CHADL: variants seen among roughly 807,000 people sequenced by gnomAD.
The protein encoded by CHADL is chondroadherin-like protein.
A neutral mutation model predicts 52.1 loss-of-function variants in CHADL; 48 were observed. The ratio of observed to expected loss-of-function variants is 0.92; its 90% CI spans 0.73 to 1.17. The LOEUF (loss-of-function observed/expected upper bound fraction) is 1.17, where lower values mean the gene tolerates loss of function less well. Ranked by LOEUF, CHADL falls within the 50% of genes most tolerant of loss-of-function variation. CHADL has a pLI of 0.00. For missense variants in CHADL, 977 were observed against 1,035.1 expected (o/e 0.94, Z 0.77); for synonymous variants, 498 against 511.2 (o/e 0.97, Z 0.35).
intron 2 of CHADL, among the ~76,000 whole-genome samples, 170 bp downstream of exon 2, chr22:41,239,270 GTTT>G (rs1269159197): frequency 6.6e-6 from 1 of 152,228 alleles, no homozygotes; most frequent in African/African-American, 2.4e-5. Flanking sequence ...CCTGTTACTG[GTTT>G]TTATTATTCC....
At chr22:41,230,260 G>C (rs756455826) in intron 5 of CHADL, 1 of 1,606,914 alleles carries the variant, frequency 6.2e-7, no homozygotes, top group South Asian at 1.1e-5. Flanking sequence ...GAGCCTTCCT[G>C]CCTCCAGCCT....
At chr22:41,232,120 C>T (rs1321102440) in intron 5 of CHADL, among the ~76,000 whole-genome samples, 1 of 151,624 alleles carries the variant, frequency 6.6e-6, no homozygotes, top group Admixed American at 6.6e-5. Flanking sequence ...ATCACAAGGT[C>T]AGGAGATCGA....
At position 41,240,920 on chromosome 22, in the gene CHADL, C is replaced by A. The variant is rs1367360006; in HGVS notation, c.-39G>T. ...GCTGGTCCAGCCTGGAGGCGCAGCG[C>A]AGGGACAGGCTGTCCCCGCCTGGCA... On this transcript the variant is annotated 5_prime_UTR_variant, in exon 1 of 6. Coordinates refer to ENST00000216241, the MANE Select transcript of CHADL (RefSeq NM_138481.2). 1 of 1,542,872 alleles carries A rather than the reference C, an allele frequency of 6.5e-7. No individual in the cohort carries two copies. The highest frequency in any genetic ancestry group is 2.0e-5 in the Admixed American group (1 of 50,284).
At chr22:41,235,796 G>A (rs1039639568) in intron 4 of CHADL, among the ~76,000 whole-genome samples, 5 of 152,146 alleles carry the variant, frequency 3.3e-5, no homozygotes, top group Non-Finnish European at 7.3e-5. Flanking sequence ...GAAAGGTTAC[G>A]CGGCTTGCAG....
intron 4 of CHADL, 132 bp from the exon 5 acceptor site, chr22:41,235,475 C>G (rs560604878): frequency 1.6e-4 from 109 of 697,854 alleles, no homozygotes; most frequent in Non-Finnish European, 2.4e-4. Flanking sequence ...TGCATTCATT[C>G]GCTCAACAAG....
At chr22:41,235,394 G>A in intron 4 of CHADL, 51 bp from the exon 5 acceptor site, 2 of 1,459,440 alleles carry the variant, frequency 1.4e-6, no homozygotes, top group Non-Finnish European at 1.9e-6. Flanking sequence ...CTGCTCCAGT[G>A]GCCTGGAGCA....
intron 1 of CHADL, 149 bp from the exon 2 acceptor site, chr22:41,239,769 T>G (rs893341069): frequency 3.0e-6 from 2 of 661,158 alleles, no homozygotes; most frequent in African/African-American, 3.8e-5. Flanking sequence ...ACCCTGAGCC[T>G]CCCTGCCCCC....
At chr22:41,234,395 A>ATTATTATTATTATT (rs1376614792) in intron 5 of CHADL, among the ~76,000 whole-genome samples, 27 of 148,986 alleles carry the variant, frequency 1.8e-4, no homozygotes, top group African/African-American at 6.4e-4. Context: ...TATTATTATT[A>ATTATTATTATTATT]TTATTGAGAC....
In CHADL at chr22:41,236,630, T is replaced by G; in HGVS notation, c.1917A>C (p.Ser639=). 1 of 1,549,536 alleles carries G rather than the reference T, an allele frequency of 6.5e-7. No homozygotes were observed. The highest frequency in any genetic ancestry group is 8.7e-7 in the Non-Finnish European group (1 of 1,146,876). The change falls in exon 4 of 6, where the codon TCA becomes TCC. Residue 639 remains serine (S), a synonymous_variant. Coordinates refer to ENST00000216241, the MANE Select transcript of CHADL (RefSeq NM_138481.2). ...GGCTCTGGAGCCCGGGCCCCAGGCC[T>G]GAAAAGGCCCCAGGACAAATCTGCA... ...GLEQICPGAF[S]GLGPGLQSLH...
At chr22:41,233,778 A>G (rs915885016) in intron 5 of CHADL, among the ~76,000 whole-genome samples, 5 of 152,106 alleles carry the variant, frequency 3.3e-5, no homozygotes, top group Non-Finnish European at 7.4e-5. Context: ...GAATACAAAC[A>G]CCAACTAATG....
rs746385721 is a variant in CHADL, at chr22:41,229,699, C to T, written c.*5G>A. On this transcript the variant is annotated 3_prime_UTR_variant, in exon 6 of 6. Transcript: ENST00000216241. ...GGGTCAAGGCAGGACCAGCCTGCTC[C>T]GTGCTCAGAGACGACCCTTCTCCTT... 59 of 1,612,594 alleles carry T rather than the reference C, an allele frequency of 3.7e-5. No homozygotes were observed. Among genetic ancestry groups the T allele is most frequent in the African/African-American group, 5.3e-5 (4 of 74,890 alleles).
rs1601545679 is a variant in CHADL, at chr22:41,229,830, CTG to C, written c.2263-102_2263-101del. On this transcript the variant is annotated intron_variant, in intron 5 of 5. Transcript: ENST00000216241. Reference sequence around the variant, plus strand: ...GGGTGTTTCCCAGACACGCCCCCAACTGTGAATGGAGCTGAGTCCCCCTCTAG... The same window carrying C: ...GGGTGTTTCCCAGACACGCCCCCAACTGAATGGAGCTGAGTCCCCCTCTAG... 2.7e-6 allele frequency: 3 copies of C among 1,103,718 alleles called. No homozygotes were observed. The East Asian group carries it at 7.7e-5, about 28-fold the overall frequency. The allele number at this position is 1,103,718 out of a possible 1,614,324, so 68.4% of individuals were successfully genotyped here.
chr22:41,231,641 GT>G (rs1351604970), intron 5 of CHADL, among the ~76,000 whole-genome samples: 7 of 152,248 alleles, frequency 4.6e-5, no homozygotes, highest in Non-Finnish European at 1.0e-4. Flanking sequence ...TCTCTTGGGA[GT>G]TTTTGCTCAA....
chr22:41,238,475 G>T lies in CHADL; in HGVS notation c.597C>A (p.Pro199=). 6.5e-7 allele frequency: 1 copy of T among 1,533,092 alleles called. No individual in the cohort carries two copies. The highest frequency in any genetic ancestry group is 8.8e-7 in the Non-Finnish European group (1 of 1,141,748). 95.0% of individuals were successfully genotyped at this position (1,533,092 alleles called of 1,614,324 possible). The change falls in exon 3 of 6, where the codon CCC becomes CCA. Residue 199 remains proline (P), a synonymous_variant. Transcript: ENST00000216241. This position sits in a 1 kb window ranked among gnomAD's most constrained non-coding sequence, Gnocchi z 4.9. The part of the protein sequence containing the change: ...LSHNALSVLA[P]EALAGLPALR... ...GGGCGGGCAGGCCAGCCAGGGCCTC[G>T]GGGGCCAGCACGCTGAGCGCGTTGT... is the stretch of plus-strand genomic sequence containing the variant.
intron 5 of CHADL, among the ~76,000 whole-genome samples, chr22:41,232,109 G>A (rs1055800672): frequency 6.6e-6 from 1 of 151,976 alleles, no homozygotes; most frequent in African/African-American, 2.4e-5. Flanking sequence ...ACGGCGGGCG[G>A]ATCACAAGGT....
chr22:41,236,742 G>A, intron 3 of CHADL, 92 bp from the exon 4 acceptor site: 2 of 1,264,208 alleles, frequency 1.6e-6, no homozygotes, highest in Non-Finnish European at 2.1e-6. Context: ...CTCAGCAGAA[G>A]AGAAGCTGGA....
Position 41,238,288 on chromosome 22 carries a change from C to G in CHADL, c.784G>C (p.Asp262His). ...ALPGLRELLL[D>H]GGALQALGPR... ...CCCAGGGCCTGCAGGGCCCCGCCGT[C>G]CAGCAGCAGCTCCCGCAGGCCGGGC... The change falls in exon 3 of 6, where the codon GAC becomes CAC. Residue 262 changes from aspartate to histidine, a missense_variant. Coordinates refer to ENST00000216241, the MANE Select transcript of CHADL (RefSeq NM_138481.2). The surrounding 1 kb of genome is among the most constrained non-coding windows in gnomAD (Gnocchi z 4.9). 6.5e-7 allele frequency: 1 copy of G among 1,529,256 alleles called. No homozygotes were observed. Among genetic ancestry groups the G allele is most frequent in the Non-Finnish European group, 8.7e-7 (1 of 1,144,194 alleles). The allele number at this position is 1,529,256 out of a possible 1,614,324, so 94.7% of individuals were successfully genotyped here. A position where few individuals can be genotyped will look rare whatever the true frequency, so the allele number is the denominator to read the frequency against.
At chr22:41,232,092 G>T (rs1240717719) in intron 5 of CHADL, among the ~76,000 whole-genome samples, 3 of 152,104 alleles carry the variant, frequency 2.0e-5, no homozygotes, top group Non-Finnish European at 4.4e-5. Context: ...CAGCACTTTG[G>T]GAGGCCACGG....
In CHADL at chr22:41,232,189, G is replaced by A. The variant is rs575606194; in HGVS notation, c.2263-2459C>T. On this transcript the variant is annotated intron_variant, in intron 5 of 5. Coordinates refer to ENST00000216241, the MANE Select transcript of CHADL (RefSeq NM_138481.2). Reference sequence around the variant, plus strand: ...CTACTAAAAATACAAAAAATTAGCCGGGCGTGGTGGCAGTCACCTGTAATC... The same window carrying A: ...CTACTAAAAATACAAAAAATTAGCCAGGCGTGGTGGCAGTCACCTGTAATC... 2.8e-4 allele frequency among the ~76,000 whole-genome samples: 43 copies of A among 152,042 alleles called. 2 individuals carry two copies. The highest frequency in any genetic ancestry group is 7.5e-4 in the African/African-American group (31 of 41,464).
Sources: gnomAD v4.1 joint callset for allele counts (sites outside exome capture counted in the v4.1 genomes callset) on GRCh38, gnomAD v4.1.1 for gene constraint, Gnocchi (gnomAD v3.1) non-coding constraint, MANE v1.5 for transcripts, NCBI Gene and HGNC (gene_info 2026-07-23, HGNC 2026-07-21) for gene names.